The following XPR1 variants were observed in gnomAD, a reference collection of about 807,000 sequenced individuals.
The protein encoded by XPR1 is solute carrier family 53 member 1.
XPR1 carries 28 observed loss-of-function variants against 87.5 expected under a neutral mutation model. That is an observed-to-expected ratio of 0.32 (90% CI 0.24 to 0.44). The LOEUF is 0.44. XPR1 is among the 20% of genes least tolerant of loss of function. The pLI is 1.00. For synonymous variants in XPR1, 300 were observed against 306.1 expected (o/e 0.98, Z 0.21); for missense variants, 559 against 862.3 (o/e 0.65, Z 4.41).
chr1:180,787,452 A>G (rs1439815587), intron 2 of XPR1, among the ~76,000 whole-genome samples: 1 of 151,728 alleles, frequency 6.6e-6, no homozygotes, highest in Admixed American at 6.6e-5. Context: ...GCTAATTTTT[A>G]TATTTTTAGT....
chr1:180,742,724 A>G (rs1322334267), intron 2 of XPR1, among the ~76,000 whole-genome samples: 1 of 152,064 alleles, frequency 6.6e-6, no homozygotes, highest in African/African-American at 2.4e-5. Context: ...TTGATTACTA[A>G]GAGTTATGTT....
intron 2 of XPR1, among the ~76,000 whole-genome samples, chr1:180,720,576 A>T (rs568275876): frequency 1.3e-3 from 192 of 152,322 alleles, no homozygotes; most frequent in African/African-American, 4.5e-3. Flanking sequence ...ATAATTTAAT[A>T]TATTACTAGA....
chr1:180,696,208 G>GTATATATATATATA (rs71121045), intron 2 of XPR1, among the ~76,000 whole-genome samples: 7 of 88,590 alleles, frequency 7.9e-5, no homozygotes, highest in Middle Eastern at 6.9e-3. Flanking sequence ...GTGTGTGTGT[G>GTATATATATATATA]TATATATATA....
chr1:180,783,297 G>T (rs1305046402), intron 2 of XPR1, among the ~76,000 whole-genome samples: 8 of 151,842 alleles, frequency 5.3e-5, no homozygotes, highest in African/African-American at 1.9e-4. Context: ...GCTATGCTGG[G>T]CTGTTTAGTT....
intron 2 of XPR1, among the ~76,000 whole-genome samples, chr1:180,691,326 G>GAT (rs766806536): frequency 3.3e-5 from 5 of 152,172 alleles, no homozygotes; most frequent in East Asian, 1.9e-4. Context: ...AGGATTTTTT[G>GAT]ATATATATCT....
intron 2 of XPR1, among the ~76,000 whole-genome samples, chr1:180,717,626 A>G (rs1658043947): frequency 6.6e-6 from 1 of 152,186 alleles, no homozygotes; most frequent in Admixed American, 6.5e-5. Context: ...TTATTTTCAA[A>G]ATATGTTTTT....
intron 3 of XPR1, among the ~76,000 whole-genome samples, chr1:180,799,739 G>A (rs796217040): frequency 1.2e-4 from 18 of 152,272 alleles, no homozygotes; most frequent in African/African-American, 4.1e-4. Context: ...GGGTGACTCT[G>A]GGGTTCAGTG....
chr1:180,821,154 A>G (rs916537380), intron 7 of XPR1, among the ~76,000 whole-genome samples: 1 of 152,076 alleles, frequency 6.6e-6, no homozygotes, highest in South Asian at 2.1e-4. Context: ...ATTTATCATT[A>G]TGTTTTCTTT....
chr1:180,671,566 C>T (rs1337744041), intron 1 of XPR1, among the ~76,000 whole-genome samples: 3 of 152,054 alleles, frequency 2.0e-5, no homozygotes, highest in South Asian at 4.2e-4. Context: ...GTCCTGTCAC[C>T]CAGGCTGGAG....
intron 2 of XPR1, among the ~76,000 whole-genome samples, chr1:180,748,624 G>C (rs562161886): frequency 6.6e-6 from 1 of 151,670 alleles, no homozygotes; most frequent in Non-Finnish European, 1.5e-5. Context: ...CTCCATGTTG[G>C]TCAGGCTGGC....
At chr1:180,752,472 T>G (rs1191206955) in intron 2 of XPR1, among the ~76,000 whole-genome samples, 1 of 152,164 alleles carries the variant, frequency 6.6e-6, no homozygotes, top group Non-Finnish European at 1.5e-5. Context: ...CAGTAACAAC[T>G]TTTTACCAAA....
At chr1:180,650,143 C>T (rs942454393) in intron 1 of XPR1, among the ~76,000 whole-genome samples, 2 of 151,866 alleles carry the variant, frequency 1.3e-5, no homozygotes, top group Non-Finnish European at 2.9e-5. Context: ...AAAAATTCCT[C>T]GATTGTCATT....
chr1:180,668,582 A>G (rs1291276706), intron 1 of XPR1, among the ~76,000 whole-genome samples: 1 of 152,156 alleles, frequency 6.6e-6, no homozygotes, highest in Non-Finnish European at 1.5e-5. Context: ...ACAGTGTCTC[A>G]TAGGTTTTGG....
intron 1 of XPR1, among the ~76,000 whole-genome samples, chr1:180,644,356 C>T (rs1434939513): frequency 6.7e-6 from 1 of 150,358 alleles, no homozygotes; most frequent in Non-Finnish European, 1.5e-5. Context: ...TGTTTTGAGA[C>T]TTTCCTTTTC....
At chr1:180,807,182 T>A (rs928835602) in intron 6 of XPR1, among the ~76,000 whole-genome samples, 2 of 152,230 alleles carry the variant, frequency 1.3e-5, no homozygotes, top group African/African-American at 2.4e-5. Context: ...TTAACACCTG[T>A]ATTCAACATT....
At chr1:180,844,674 C>T (rs1382333759) in intron 11 of XPR1, among the ~76,000 whole-genome samples, 1 of 152,214 alleles carries the variant, frequency 6.6e-6, no homozygotes, top group Non-Finnish European at 1.5e-5. Flanking sequence ...CTAGGCTGGG[C>T]TCGGCTGGAT....
intron 11 of XPR1, 28 bp from the exon 12 acceptor site, chr1:180,863,680 C>T (rs760983512): frequency 6.6e-7 from 1 of 1,515,512 alleles, no homozygotes; most frequent in Non-Finnish European, 8.8e-7. Context: ...GTAATTTTCT[C>T]TTTTCTCTTT....
intron 2 of XPR1, among the ~76,000 whole-genome samples, chr1:180,764,373 A>G (rs1016819721): frequency 1.1e-4 from 16 of 152,028 alleles, no homozygotes; most frequent in African/African-American, 3.9e-4. Flanking sequence ...AAAATTCCAA[A>G]CCTGAAACAC....
intron 1 of XPR1, among the ~76,000 whole-genome samples, chr1:180,669,411 C>CT (rs1169984541): frequency 6.6e-6 from 1 of 151,862 alleles, no homozygotes; most frequent in Non-Finnish European, 1.5e-5. Context: ...GAGATGGAGT[C>CT]TCGCTGTGTC....
Sources: gnomAD v4.1 joint callset for allele counts (sites outside exome capture counted in the v4.1 genomes callset) on GRCh38, gnomAD v4.1.1 for gene constraint, MANE v1.5 for transcripts, NCBI Gene and HGNC (gene_info 2026-07-23, HGNC 2026-07-21) for gene names.